The following EFR3A variants were observed in gnomAD, a reference collection of about 807,000 sequenced individuals.
The protein encoded by EFR3A is EFR3 homolog A.
In EFR3A, 76 loss-of-function variants were observed where a neutral mutation model predicts 104.4. The ratio of observed to expected loss-of-function variants is 0.73; its 90% CI spans 0.60 to 0.88. The LOEUF (loss-of-function observed/expected upper bound fraction) is 0.88. EFR3A is among the 40% of genes least tolerant of loss of function. The pLI, the probability that EFR3A is intolerant of heterozygous loss-of-function variation, is 0.00. For synonymous variants in EFR3A, 330 were observed against 330.0 expected, an observed-to-expected ratio of 1.00 and a Z score of 0.00; for missense variants, 985 against 1,012.5, an observed-to-expected ratio of 0.97 and a Z score of 0.37.
chr8:132,008,172 T>C (rs891940685), intron 22 of EFR3A, among the ~76,000 whole-genome samples: 1 of 151,962 alleles, frequency 6.6e-6, no homozygotes, highest in Admixed American at 6.6e-5. Flanking sequence ...GAAAATACAG[T>C]ATACACAATA....
intron 8 of EFR3A, among the ~76,000 whole-genome samples, chr8:131,968,040 A>G (rs10093138): frequency 0.27 from 40,618 of 151,982 alleles, 6,239 homozygotes; most frequent in East Asian, 0.49. Context: ...TTTACTTTTT[A>G]AAAACTAGAT....
chr8:131,913,320 A>G (rs1816603265), intron 1 of EFR3A, among the ~76,000 whole-genome samples: 1 of 152,006 alleles, frequency 6.6e-6, no homozygotes, highest in African/African-American at 2.4e-5. Context: ...AGTATATTCT[A>G]AAGCAAACAG....
intron 1 of EFR3A, among the ~76,000 whole-genome samples, chr8:131,908,303 A>G (rs1816350288): frequency 6.6e-6 from 1 of 151,888 alleles, no homozygotes; most frequent in Admixed American, 6.6e-5. Context: ...CTCGTGATCC[A>G]CCCGTCTCGG....
At chr8:132,010,427 T>TATATATAG (rs1554610394) in intron 22 of EFR3A, among the ~76,000 whole-genome samples, 2 of 126,486 alleles carry the variant, frequency 1.6e-5, no homozygotes, top group African/African-American at 6.5e-5. Flanking sequence ...TATATATATA[T>TATATATAG]ATATATATAT....
chr8:132,009,176 A>C (rs1264339353), intron 22 of EFR3A, among the ~76,000 whole-genome samples: 4 of 152,100 alleles, frequency 2.6e-5, no homozygotes, highest in Non-Finnish European at 5.9e-5. Flanking sequence ...TTATTAATTA[A>C]AATGAAAACA....
intron 8 of EFR3A, among the ~76,000 whole-genome samples, chr8:131,960,885 G>A (rs550526743): frequency 2.0e-5 from 3 of 152,276 alleles, no homozygotes; most frequent in African/African-American, 7.2e-5. Flanking sequence ...TCTGCAGGCA[G>A]CAACATTTGC....
At chr8:131,929,157 T>C (rs180850386) in intron 1 of EFR3A, among the ~76,000 whole-genome samples, 244 of 152,298 alleles carry the variant, frequency 1.6e-3, no homozygotes, top group African/African-American at 5.3e-3. Flanking sequence ...ACAGAATTCA[T>C]TCTCTCTTCT....
At chr8:131,963,796 G>A (rs13261491) in intron 8 of EFR3A, among the ~76,000 whole-genome samples, 106 of 152,286 alleles carry the variant, frequency 7.0e-4, no homozygotes, top group Non-Finnish European at 1.3e-3. Context: ...CAATATCCCT[G>A]ATGAACATCG....
At chr8:131,958,529 A>T (rs1204490483) in intron 7 of EFR3A, among the ~76,000 whole-genome samples, 1 of 152,024 alleles carries the variant, frequency 6.6e-6, no homozygotes, top group Non-Finnish European at 1.5e-5. Context: ...AGCCTAGAGC[A>T]TAGTATGTAA....
rs148142014 is a variant in EFR3A at position 131,987,306 on chromosome 8, T to TGA, written c.1938-269_1938-268insGA. On this transcript the variant is annotated intron_variant, in intron 17 of 22. Coordinates refer to ENST00000254624, the MANE Select transcript of EFR3A (RefSeq NM_015137.6). ...TTCTTTATTACTTAACAAGTAAAGA[T>TGA]CAACAGAGTAATACAAGGCTGAATT... is the stretch of plus-strand genomic sequence containing the variant. 2.6e-3 allele frequency among the ~76,000 whole-genome samples: 394 copies of TGA among 152,210 alleles called. 4 individuals carry two copies. Among genetic ancestry groups the TGA allele is most frequent in the African/African-American group, 9.2e-3 (381 of 41,558 alleles).
chr8:131,950,188 G>A, intron 5 of EFR3A, 98 bp downstream of exon 5: 1 of 1,257,854 alleles, frequency 8.0e-7, no homozygotes, highest in Non-Finnish European at 1.1e-6. Flanking sequence ...ACAATAATAT[G>A]CCTGAAATAC....
intron 14 of EFR3A, among the ~76,000 whole-genome samples, chr8:131,980,125 G>A (rs1459417375): frequency 6.6e-6 from 1 of 152,086 alleles, no homozygotes; most frequent in African/African-American, 2.4e-5. Flanking sequence ...TGCCAGCTAA[G>A]GGAGCCTGTT....
chr8:131,997,146 C>T (rs569809981), intron 19 of EFR3A, among the ~76,000 whole-genome samples: 1 of 152,144 alleles, frequency 6.6e-6, no homozygotes, highest in African/African-American at 2.4e-5. Flanking sequence ...TTCTCTAGGA[C>T]TTATTCTACA....
intron 1 of EFR3A, among the ~76,000 whole-genome samples, chr8:131,929,248 A>G (rs555863912): frequency 4.6e-5 from 7 of 152,206 alleles, no homozygotes; most frequent in Non-Finnish European, 7.4e-5. Flanking sequence ...CAGTTGTCCA[A>G]ACTTTCCTGT....
At chr8:131,914,021 G>A (rs759606921) in intron 1 of EFR3A, among the ~76,000 whole-genome samples, 12 of 152,298 alleles carry the variant, frequency 7.9e-5, no homozygotes, top group African/African-American at 1.7e-4. Context: ...TAGAATTTAC[G>A]TAACTGTGCT....
intron 1 of EFR3A, 126 bp downstream of exon 1, chr8:131,904,448 C>A: frequency 1.0e-6 from 1 of 954,140 alleles, no homozygotes; most frequent in Non-Finnish European, 1.4e-6. Flanking sequence ...GAAGTGTCTG[C>A]GAGCGGCGGA....
chr8:132,010,885 G>A lies in EFR3A; in HGVS notation c.2456G>A (p.Cys819Tyr), dbSNP rs916377704. Residue 819 changes from cysteine to tyrosine, a missense_variant, in exon 23 of 23, where the codon TGT (cysteine) becomes TAT (tyrosine). Physicochemically the swap from Cys to Tyr is radical, Grantham distance 194. Transcript: ENST00000254624. ...TATGAGATGAAGTTTCCAGATCTGT[G>A]TGTGTACTGATCGGCGCATGAAGAC... ...PVYEMKFPDL[C>Y]VY is the part of the protein sequence containing the mutation. 6 of 1,607,036 alleles carry A rather than the reference G, an allele frequency of 3.7e-6. No individual in the cohort carries two copies. Among genetic ancestry groups the A allele is most frequent in the Non-Finnish European group, 5.1e-6 (6 of 1,175,120 alleles).
At chr8:132,002,855 A>G (rs773254746) in intron 21 of EFR3A, 149 bp downstream of exon 21, 140 of 627,980 alleles carry the variant, frequency 2.2e-4, no homozygotes, top group Non-Finnish European at 3.4e-4. Flanking sequence ...CTGAAGGCAT[A>G]TCTATGAGAC....
chr8:131,907,316 C>G (rs1036759266), intron 1 of EFR3A, among the ~76,000 whole-genome samples: 1 of 152,138 alleles, frequency 6.6e-6, no homozygotes, highest in Non-Finnish European at 1.5e-5. Flanking sequence ...TAGTAAACTC[C>G]TTATGTGAAA....
Sources: gnomAD v4.1 joint callset for allele counts (sites outside exome capture counted in the v4.1 genomes callset) on GRCh38, gnomAD v4.1.1 for gene constraint, MANE v1.5 for transcripts, NCBI Gene and HGNC (gene_info 2026-07-23, HGNC 2026-07-21) for gene names.